The following CDC14A variants were observed in gnomAD, a reference collection of about 807,000 sequenced individuals.
The protein encoded by CDC14A is dual specificity protein phosphatase CDC14A.
Under a neutral mutation model 74.4 loss-of-function variants are expected in CDC14A, and 53 were observed. The ratio of observed to expected loss-of-function variants is 0.71; its 90% confidence interval spans 0.57 to 0.89. The LOEUF is 0.89. Among genes scored for constraint, CDC14A ranks in the 40% least tolerant of loss-of-function variants. The pLI is 0.00. For synonymous variants in CDC14A, 247 were observed against 258.4 expected (o/e 0.96, Z 0.43); for missense variants, 646 against 713.7 (o/e 0.91, Z 1.08).
chr1:100,345,626 T>A (rs1411554275), intron 1 of CDC14A, among the ~76,000 whole-genome samples: 1 of 152,202 alleles, frequency 6.6e-6, no homozygotes. Flanking sequence ...TGAGTTCATC[T>A]CCTCACATTT....
chr1:100,413,045 G>A (rs1223469877), intron 4 of CDC14A, among the ~76,000 whole-genome samples: 10 of 151,390 alleles, frequency 6.6e-5, no homozygotes, highest in South Asian at 6.2e-4. Flanking sequence ...TGACAAGAGC[G>A]AAACTGTCAA....
intron 4 of CDC14A, among the ~76,000 whole-genome samples, chr1:100,415,656 A>G (rs552591738): frequency 1.3e-5 from 2 of 152,358 alleles, no homozygotes; most frequent in South Asian, 4.1e-4. Context: ...GAAACAAAAG[A>G]CATTCATTCT....
At position 100,388,136 on chromosome 1, in the gene CDC14A, G is replaced by C. The variant is rs553401691; in HGVS notation, c.217-2596G>C. ...AATAGGGAGAGGCTGGGAGCCATAAGAGCGTCGAGTCCCTATGCTCAGTCT... is the reference window on the plus strand; with the variant it reads ...AATAGGGAGAGGCTGGGAGCCATAACAGCGTCGAGTCCCTATGCTCAGTCT... On this transcript the variant is annotated intron_variant, in intron 3 of 15. Transcript: ENST00000336454. Among the ~76,000 whole-genome samples, 7 of 152,344 alleles carry C rather than the reference G, an allele frequency of 4.6e-5. No homozygotes were observed. In the South Asian group the frequency reaches 1.2e-3, roughly 27 times the overall value.
intron 10 of CDC14A, 60 bp downstream of exon 10, chr1:100,468,154 T>A: frequency 1.3e-6 from 2 of 1,586,138 alleles, no homozygotes; most frequent in Non-Finnish European, 1.7e-6. Flanking sequence ...CTACCTCTTG[T>A]TCCCCTGGTT....
chr1:100,507,878 C>T (rs1649378472), intron 15 of CDC14A, among the ~76,000 whole-genome samples: 1 of 152,042 alleles, frequency 6.6e-6, no homozygotes, highest in Non-Finnish European at 1.5e-5. Context: ...TGGGGTTTTG[C>T]CATGTTGGCC....
At chr1:100,388,239 T>G (rs1026740509) in intron 3 of CDC14A, among the ~76,000 whole-genome samples, 1 of 152,218 alleles carries the variant, frequency 6.6e-6, no homozygotes, top group Non-Finnish European at 1.5e-5. Context: ...AGGAGATGCT[T>G]AGGTCTGAAG....
At chr1:100,386,544 CCTG>C (rs1656895829) in intron 3 of CDC14A, among the ~76,000 whole-genome samples, 1 of 152,004 alleles carries the variant, frequency 6.6e-6, no homozygotes, top group South Asian at 2.1e-4. Flanking sequence ...CTTTGTAATC[CCTG>C]CACTTTGGGA....
chr1:100,381,018 T>C (rs1333566389), intron 3 of CDC14A, among the ~76,000 whole-genome samples: 1 of 152,240 alleles, frequency 6.6e-6, no homozygotes, highest in Non-Finnish European at 1.5e-5. Context: ...ATCTGTATCG[T>C]TGATGAATTG....
At chr1:100,463,892 G>A (rs1398445272) in intron 9 of CDC14A, among the ~76,000 whole-genome samples, 1 of 152,102 alleles carries the variant, frequency 6.6e-6, no homozygotes, top group African/African-American at 2.4e-5. Context: ...GCTCCTCCTA[G>A]TGTCGCTGGG....
chr1:100,422,307 C>T (rs1003979779), intron 4 of CDC14A, among the ~76,000 whole-genome samples: 2 of 152,084 alleles, frequency 1.3e-5, no homozygotes, highest in African/African-American at 4.8e-5. Flanking sequence ...AGGGAATTAA[C>T]GTAATTGCTC....
At chr1:100,401,129 G>A (rs1426815282) in intron 4 of CDC14A, among the ~76,000 whole-genome samples, 1 of 152,114 alleles carries the variant, frequency 6.6e-6, no homozygotes. Flanking sequence ...TTTTAGGTTG[G>A]TGCAAAAGTA....
At position 100,467,942 on chromosome 1, in the gene CDC14A, T is replaced by A; in HGVS notation, c.839-14T>A. On this transcript the variant is annotated splice_polypyrimidine_tract_variant and intron_variant, in intron 9 of 15. Transcript: ENST00000336454. ...TAGACTTTATATTTCTTATTCTGTT[T>A]CATTCTCTTACAGCTGGTCTTGGAA... 6.4e-7 allele frequency: 1 copy of A among 1,573,632 alleles called. No homozygotes were observed. Among genetic ancestry groups the A allele is most frequent in the Non-Finnish European group, 8.6e-7 (1 of 1,166,686 alleles).
At chr1:100,350,753 A>G (rs369972893), upstream of CDC14A, among the ~76,000 whole-genome samples, 11 of 152,254 alleles carry the variant, frequency 7.2e-5, no homozygotes, top group East Asian at 1.7e-3. Context: ...TAGATTATGC[A>G]AGAATTTTAA....
chr1:100,494,915 C>T lies in CDC14A; in HGVS notation c.1235C>T (p.Pro412Leu), dbSNP rs1260656049. Reference protein sequence around the residue: ...LKSQRQPRTSPSCAFRSDDTK... With the variant: ...LKSQRQPRTSLSCAFRSDDTK... ...AGTCAGAGACAGCCACGTACCTCAC[C>T]ATCCTGTGCATTTAGGTAGATCTGT... Residue 412 changes from proline (P) to leucine (L), a missense_variant, in exon 12 of 16, where the codon CCA (proline) becomes CTA (leucine). Coordinates refer to ENST00000336454, the MANE Select transcript of CDC14A (RefSeq NM_003672.4). The T allele has an allele frequency of 6.3e-7, 1 of 1,597,122 alleles. No homozygotes were observed. Among genetic ancestry groups the T allele is most frequent in the South Asian group, 1.1e-5 (1 of 90,686 alleles).
intron 5 of CDC14A, among the ~76,000 whole-genome samples, chr1:100,435,580 G>A (rs1188680013): frequency 6.6e-6 from 1 of 152,156 alleles, no homozygotes; most frequent in Non-Finnish European, 1.5e-5. Flanking sequence ...TGTAATCCCA[G>A]CACTTTGGGA....
chr1:100,356,051 G>A (rs1651845382), intron 2 of CDC14A, among the ~76,000 whole-genome samples: 1 of 150,748 alleles, frequency 6.6e-6, no homozygotes, highest in South Asian at 2.1e-4. Context: ...GAGGAGGGGA[G>A]AGGCTTGGGA....
At chr1:100,376,060 A>G (rs1474620137) in intron 2 of CDC14A, among the ~76,000 whole-genome samples, 1 of 152,118 alleles carries the variant, frequency 6.6e-6, no homozygotes, top group East Asian at 1.9e-4. Context: ...AAAAAATCAA[A>G]CACCGCATGT....
intron 10 of CDC14A, among the ~76,000 whole-genome samples, chr1:100,477,363 ATTTAATTCC>A (rs1357693555): frequency 6.6e-6 from 1 of 151,922 alleles, no homozygotes; most frequent in Non-Finnish European, 1.5e-5. Context: ...AATTTGGAGT[ATTTAATTCC>A]AAATACTCCA....
At chr1:100,390,350 T>C (rs1269252800) in intron 3 of CDC14A, among the ~76,000 whole-genome samples, 2 of 152,176 alleles carry the variant, frequency 1.3e-5, no homozygotes, top group Admixed American at 6.5e-5. Flanking sequence ...ATGAAAACTA[T>C]AGATAATATT....
Sources: gnomAD v4.1 joint callset for allele counts (sites outside exome capture counted in the v4.1 genomes callset) on GRCh38, gnomAD v4.1.1 for gene constraint, MANE v1.5 for transcripts, NCBI Gene and HGNC (gene_info 2026-07-23, HGNC 2026-07-21) for gene names.